CD163L1: variants seen among roughly 807,000 people sequenced by gnomAD.
CD163L1 encodes scavenger receptor cysteine-rich type 1 protein M160.
Under a neutral mutation model 165.4 loss-of-function variants are expected in CD163L1, and 124 were observed. The ratio of observed to expected loss-of-function variants is 0.75; its 90% CI spans 0.65 to 0.87. The LOEUF is 0.87. Ranked by LOEUF, CD163L1 falls within the 40% of genes least tolerant of loss-of-function variation. The probability of loss-of-function intolerance (pLI) is 0.00; values close to 1 mark genes in which losing one functional copy is unlikely to be tolerated. For missense variants in CD163L1, 1,525 were observed against 1,799.9 expected (o/e 0.85, Z 2.76); for synonymous variants, 585 against 662.2 (o/e 0.88, Z 1.79).
At chr12:7,412,280 CT>C (rs1250690785) in intron 4 of CD163L1, among the ~76,000 whole-genome samples, 2 of 152,124 alleles carry the variant, frequency 1.3e-5, no homozygotes, top group Non-Finnish European at 2.9e-5. Context: ...TTGGCTGAAA[CT>C]TTTAAGATTT....
chr12:7,340,111 G>A, the CD163L1 span, among the ~76,000 whole-genome samples: 4 of 152,110 alleles, frequency 2.6e-5, no homozygotes, highest in East Asian at 3.9e-4. Context: ...GAGGGAACAC[G>A]CTAAATTCCA....
In CD163L1 at chr12:7,374,374, ATTGTG is replaced by A. The variant is rs1409076315; in HGVS notation, c.3409+63_3409+67del. 31 of 1,483,000 alleles carry A rather than the reference ATTGTG, an allele frequency of 2.1e-5. No individual in the cohort carries two copies. Among genetic ancestry groups the A allele is most frequent in the Non-Finnish European group, 2.5e-5 (27 of 1,100,144 alleles). 91.9% of individuals were successfully genotyped at this position (1,483,000 alleles called of 1,614,324 possible). ...CATACACTTTTCACTACACTTTACA[ATTGTG>A]TTGTGTGTGTGCAAGTGTGTGCACG... is the stretch of plus-strand genomic sequence containing the variant. On this transcript the variant is annotated intron_variant, in intron 13 of 19. Coordinates refer to ENST00000313599, the MANE Select transcript of CD163L1 (RefSeq NM_174941.6). The surrounding 1 kb of genome is among the most constrained non-coding windows in gnomAD (Gnocchi z 5.4).
At chr12:7,415,625 G>T (rs775706532) in intron 4 of CD163L1, among the ~76,000 whole-genome samples, 1 of 151,844 alleles carries the variant, frequency 6.6e-6, no homozygotes, top group Non-Finnish European at 1.5e-5. Context: ...CCCTCCCAGT[G>T]TCCATGTGTT....
At chr12:7,329,128 A>G in the CD163L1 span, among the ~76,000 whole-genome samples, 1 of 148,528 alleles carries the variant, frequency 6.7e-6, no homozygotes, top group Admixed American at 6.8e-5. Flanking sequence ...ATACACATAT[A>G]TACATCTATA....
rs1437001857 is a variant in CD163L1, at chr12:7,368,904, T to G, written c.4072+29A>C. On this transcript the variant is annotated intron_variant, in intron 16 of 19. Transcript: ENST00000313599. This position sits in a 1 kb window ranked among gnomAD's most constrained non-coding sequence, Gnocchi z 4.3. ...CCTTCCATGTAGCCTTAGGTATTTG[T>G]GTCAGCACTGATAGGCAGAAGACTA... 2 of 1,611,962 alleles carry G rather than the reference T, an allele frequency of 1.2e-6. No homozygotes were observed. The highest frequency in any genetic ancestry group is 8.5e-7 in the Non-Finnish European group (1 of 1,178,150).
chr12:7,334,723 A>G, the CD163L1 span, among the ~76,000 whole-genome samples: 1 of 152,234 alleles, frequency 6.6e-6, no homozygotes, highest in African/African-American at 2.4e-5. Context: ...AGATGACATG[A>G]TTGTGTATCT....
In CD163L1 at chr12:7,398,665, G is replaced by A. The variant is rs1036944994; in HGVS notation, c.1409-81C>T. 5 of 1,257,980 alleles carry A rather than the reference G, an allele frequency of 4.0e-6. No homozygotes were observed. Among genetic ancestry groups the A allele is most frequent in the Admixed American group, 2.6e-5 (1 of 38,000 alleles). 77.9% of individuals were successfully genotyped at this position (1,257,980 alleles called of 1,614,324 possible). ...GACTGAAAAGACTCTCTAAATTCAC[G>A]ACTATAAGGCTTTGCCTAACAGGTG... On this transcript the variant is annotated intron_variant, in intron 6 of 19. Transcript: ENST00000313599. The surrounding 1 kb of genome is among the most constrained non-coding windows in gnomAD (Gnocchi z 4.5).
the CD163L1 span, among the ~76,000 whole-genome samples, chr12:7,332,600 C>G: frequency 6.6e-6 from 1 of 152,224 alleles, no homozygotes; most frequent in South Asian, 2.1e-4. Context: ...AGAAACTCTA[C>G]AAACCAGAAG....
chr12:7,353,331 A>C (rs2136366722), downstream of CD163L1, among the ~76,000 whole-genome samples: 1 of 152,216 alleles, frequency 6.6e-6, no homozygotes, highest in South Asian at 2.1e-4. Flanking sequence ...CATGAGGCAC[A>C]GAAGAATAGA....
intron 8 of CD163L1, among the ~76,000 whole-genome samples, chr12:7,383,561 G>A (rs952315558): frequency 1.3e-5 from 2 of 152,090 alleles, no homozygotes; most frequent in African/African-American, 4.8e-5. Context: ...AGGGTCCCAT[G>A]GACAGTCATG....
intron 18 of CD163L1, among the ~76,000 whole-genome samples, chr12:7,361,684 CACAA>C (rs895694944): frequency 4.6e-5 from 7 of 152,116 alleles, no homozygotes; most frequent in African/African-American, 1.2e-4. Context: ...AAGAAAAAAA[CACAA>C]ACAAACAGAA....
intron 2 of CD163L1, chr12:7,438,777 C>T (rs917549415): frequency 2.1e-6 from 3 of 1,459,614 alleles, no homozygotes; most frequent in Non-Finnish European, 2.8e-6. Context: ...GTGGCCCTTA[C>T]CTCCTCGGCT....
Position 7,375,429 on chromosome 12 carries a change from T to C in CD163L1, c.2853A>G (p.Gly951=), listed in dbSNP as rs368493737. The C allele has an allele frequency of 1.2e-6, 2 of 1,614,180 alleles. No homozygotes were observed. The highest frequency in any genetic ancestry group is 1.7e-6 in the Non-Finnish European group (2 of 1,180,032). ...LSCGTALSTT[G]GKYIGERSVR... is the part of the protein sequence containing the mutation. ...CACTTCTTTCTCCAATATATTTTCC[T>C]CCTGTGGTTGAGAGAGCAGTCCCAC... is the stretch of plus-strand genomic sequence containing the variant. Residue 951 remains glycine (G), a synonymous_variant, in exon 11 of 20, where the codon GGA becomes GGG. Transcript: ENST00000313599.
rs1488033032 is a variant in CD163L1, at chr12:7,398,331, G to T, written c.1662C>A (p.Asp554Glu). 2 of 1,614,190 alleles carry T rather than the reference G, an allele frequency of 1.2e-6. No individual in the cohort carries two copies. Among genetic ancestry groups the T allele is most frequent in the Non-Finnish European group, 1.7e-6 (2 of 1,180,032 alleles). Residue 554 changes from aspartate (D) to glutamate (E), a missense_variant, in exon 7 of 20, where the codon GAC becomes GAA. By Grantham distance (45) the Asp-to-Glu change is conservative. Coordinates refer to ENST00000313599, the MANE Select transcript of CD163L1 (RefSeq NM_174941.6). This position sits in a 1 kb window ranked among gnomAD's most constrained non-coding sequence, Gnocchi z 4.5. ...SCIGNESNIW[D>E]CEHSGWGKHN... is the part of the protein sequence containing the mutation. ...GCTTTCCCCATCCACTGTGTTCACA[G>T]TCCCAGATATTTGACTCATTTCCAA...
chr12:7,387,011 A>C lies in CD163L1; in HGVS notation c.2051-7713T>G, dbSNP rs180833714. ...AAGACAAAGAAATAAAAGTCATCCA[A>C]ATCAGAAAAGAGAAAGTCAAATTGT... On this transcript the variant is annotated intron_variant, in intron 8 of 19. Coordinates refer to ENST00000313599, the MANE Select transcript of CD163L1 (RefSeq NM_174941.6). Among the ~76,000 whole-genome samples, 649 of 152,324 alleles carry C rather than the reference A, an allele frequency of 4.3e-3. 3 individuals carry two copies. Among genetic ancestry groups the C allele is most frequent in the Middle Eastern group, 6.8e-3 (2 of 294 alleles).
In CD163L1 at chr12:7,375,360, T is replaced by G. The variant is rs1446958225; in HGVS notation, c.2922A>C (p.Ser974=). 6.2e-7 allele frequency: 1 copy of G among 1,614,152 alleles called. No homozygotes were observed. The highest frequency in any genetic ancestry group is 1.7e-5 in the Admixed American group (1 of 60,020). ...CTGTCATTTGACAGTTATCCAGAAGTGACTCATTCCCTAAGCAATGAAACC... is the reference window on the plus strand; with the variant it reads ...CTGTCATTTGACAGTTATCCAGAAGGGACTCATTCCCTAAGCAATGAAACC... The part of the protein sequence containing the change: ...GHRFHCLGNE[S]LLDNCQMTVL... Residue 974 remains serine (S), a synonymous_variant, in exon 11 of 20, where the codon TCA becomes TCC. Coordinates refer to ENST00000313599, the MANE Select transcript of CD163L1 (RefSeq NM_174941.6).
the CD163L1 span, among the ~76,000 whole-genome samples, chr12:7,337,978 T>C: frequency 6.6e-6 from 1 of 152,168 alleles, no homozygotes; most frequent in African/African-American, 2.4e-5. Context: ...TGGAATAGTA[T>C]GCAGCCATAA....
At chr12:7,366,516 C>A (rs912317403) in intron 18 of CD163L1, among the ~76,000 whole-genome samples, 1 of 152,000 alleles carries the variant, frequency 6.6e-6, no homozygotes, top group Non-Finnish European at 1.5e-5. Flanking sequence ...AAACTATGTA[C>A]ATCAATACAA....
At chr12:7,352,160 A>G (rs768126861), downstream of CD163L1, among the ~76,000 whole-genome samples, 1 of 152,294 alleles carries the variant, frequency 6.6e-6, no homozygotes, top group South Asian at 2.1e-4. Flanking sequence ...GAACAGATTG[A>G]CAAATCCTGT....
Sources: allele counts gnomAD v4.1 joint callset (sites outside exome capture counted in the v4.1 genomes callset), GRCh38; gene constraint gnomAD v4.1.1; non-coding constraint Gnocchi (gnomAD v3.1); transcripts MANE v1.5; gene names NCBI Gene and HGNC (gene_info 2026-07-23, HGNC 2026-07-21).